SETD4: variants seen among roughly 807,000 people sequenced by gnomAD.
SETD4 encodes the protein SET domain containing 4.
In SETD4, 46 loss-of-function variants were observed where a neutral mutation model predicts 58.3. The observed-to-expected ratio is 0.79, with a 90% CI of 0.62 to 1.01. The LOEUF (loss-of-function observed/expected upper bound fraction) is 1.01. SETD4 is among the 50% of genes least tolerant of loss of function. SETD4 has a pLI of 0.00. For missense variants in SETD4, 490 were observed against 523.3 expected, an observed-to-expected ratio of 0.94 and a Z score of 0.62; for synonymous variants, 190 against 202.6, an observed-to-expected ratio of 0.94 and a Z score of 0.53.
intron 6 of SETD4, among the ~76,000 whole-genome samples, chr21:36,044,323 C>T (rs2064203360): frequency 6.6e-6 from 1 of 152,244 alleles, no homozygotes; most frequent in Non-Finnish European, 1.5e-5. Context: ...TTTGCCAGCA[C>T]TATGTGGTCT....
At chr21:36,042,114 A>G (rs182372622) in intron 7 of SETD4, 488 of 332,928 alleles carry the variant, frequency 1.5e-3, no homozygotes, top group African/African-American at 9.0e-3. Flanking sequence ...CTAAACACGC[A>G]TAACCTCAGC....
chr21:36,050,119 G>A (rs2064573000), intron 4 of SETD4: 2 of 730,432 alleles, frequency 2.7e-6, no homozygotes, highest in African/African-American at 1.7e-5. Context: ...CAGGACTCTT[G>A]CAGACCTCTA....
rs2064001697 is a variant in SETD4, at chr21:36,040,608, G to A, written c.1031C>T (p.Ala344Val). ...AGCTTCCAGACATAACAACTTAAGGGCTGTGAGTAGCCTCCAAGATGGTCC... is the reference window on the plus strand; with the variant it reads ...AGCTTCCAGACATAACAACTTAAGGACTGTGAGTAGCCTCCAAGATGGTCC... ...WDGPSWRLLT[A>V]LKLLCLEAEK... Residue 344 changes from alanine (A) to valine (V), a missense_variant, in exon 9 of 12, where the codon GCC (alanine) becomes GTC (valine). Coordinates refer to ENST00000332131, the MANE Select transcript of SETD4 (RefSeq NM_017438.5). 3 of 1,613,854 alleles carry A rather than the reference G, an allele frequency of 1.9e-6. No individual in the cohort carries two copies. Among genetic ancestry groups the A allele is most frequent in the Non-Finnish European group, 2.5e-6 (3 of 1,179,830 alleles).
Position 36,053,770 on chromosome 21 carries a change from G to A in SETD4, c.170-150C>T, listed in dbSNP as rs2064841460. The A allele has an allele frequency of 6.6e-6, 5 of 761,084 alleles. No homozygotes were observed. The East Asian group carries it at 1.3e-4, about 20-fold the overall frequency. The allele number at this position is 761,084 out of a possible 1,614,324, so 47.1% of individuals were successfully genotyped here. A position where few individuals can be genotyped will look rare whatever the true frequency, so the allele number is the denominator to read the frequency against. On this transcript the variant is annotated intron_variant, in intron 3 of 11. Transcript: ENST00000332131. ...GCCTTTGATTCCCAGGGGAAACAGG[G>A]AGTCAGAAAGCTATTCCAGAAAATG...
intron 1 of SETD4, 120 bp from the exon 2 acceptor site, chr21:36,059,044 T>C: frequency 3.5e-6 from 4 of 1,156,918 alleles, no homozygotes; most frequent in Non-Finnish European, 4.6e-6. Context: ...TACCTTTAAG[T>C]ATACAAATGT....
At position 36,036,268 on chromosome 21, in the gene SETD4, A is replaced by C. The variant is rs1382802700; in HGVS notation, c.1189-17T>G. On this transcript the variant is annotated splice_polypyrimidine_tract_variant and intron_variant, in intron 10 of 11. Transcript: ENST00000332131. The stretch of plus-strand genomic sequence containing the variant: ...ATGAGACACCTGAAAGTTATTTTTT[A>C]ATTATTGTTATTGTAGTAAAACATA... 6.4e-7 allele frequency: 1 copy of C among 1,569,760 alleles called. No homozygotes were observed. Among genetic ancestry groups the C allele is most frequent in the Non-Finnish European group, 8.6e-7 (1 of 1,163,528 alleles).
Position 36,040,653 on chromosome 21 carries a change from T to C in SETD4, c.986A>G (p.Asn329Ser). 6.2e-7 allele frequency: 1 copy of C among 1,613,314 alleles called. No individual in the cohort carries two copies. Among genetic ancestry groups the C allele is most frequent in the African/African-American group, 1.3e-5 (1 of 75,046 alleles). The change falls in exon 9 of 12, where the codon AAT becomes AGT. Residue 329 changes from asparagine (N) to serine (S), a missense_variant and splice_region_variant. Coordinates refer to ENST00000332131, the MANE Select transcript of SETD4 (RefSeq NM_017438.5). ...TGGTCCATCCCATCCAAATGTCAAA[T>C]TTCTGAAGTAGAAAAACAAATAATG... Reference protein sequence around the residue: ...SILKDHGYIENLTFGWDGPSW... With the variant: ...SILKDHGYIESLTFGWDGPSW...
At chr21:36,046,228 T>C (rs1005115425) in intron 5 of SETD4, among the ~76,000 whole-genome samples, 1 of 152,216 alleles carries the variant, frequency 6.6e-6, no homozygotes, top group African/African-American at 2.4e-5. Context: ...CATACTTACA[T>C]GTCAGAAAAA....
chr21:36,051,157 A>T lies in SETD4; in HGVS notation c.207+2426T>A. On this transcript the variant is annotated intron_variant, in intron 4 of 11. Coordinates refer to ENST00000332131, the MANE Select transcript of SETD4 (RefSeq NM_017438.5). Reference sequence around the variant, plus strand: ...CTTCTACCCTCTGGCCAGCTCACCCAGCGTATGTCCCTGCTCTCTGTGGTG... The same window carrying T: ...CTTCTACCCTCTGGCCAGCTCACCCTGCGTATGTCCCTGCTCTCTGTGGTG... 5 of 1,564,854 alleles carry T rather than the reference A, an allele frequency of 3.2e-6. No homozygotes were observed. In the East Asian group the frequency reaches 9.0e-5, roughly 28 times the overall value.
chr21:36,039,857 A>G (rs1235441589), intron 9 of SETD4, among the ~76,000 whole-genome samples: 1 of 152,278 alleles, frequency 6.6e-6, no homozygotes, highest in Non-Finnish European at 1.5e-5. Context: ...GGCGTCACTG[A>G]AGGGGCACCG....
chr21:36,043,163 A>C (rs2064146617), intron 7 of SETD4: 1 of 152,414 alleles, frequency 6.6e-6, no homozygotes, highest in African/African-American at 2.4e-5. Context: ...CCAGAGGCTA[A>C]GGCACAAGAA....
intron 2 of SETD4, 87 bp from the exon 3 acceptor site, chr21:36,057,291 G>C (rs1601293402): frequency 5.1e-6 from 5 of 988,034 alleles, no homozygotes; most frequent in Non-Finnish European, 8.2e-6. Flanking sequence ...GATGAAATGT[G>C]TCAGACAGAC....
At chr21:36,044,016 T>G in intron 6 of SETD4, 60 bp from the exon 7 acceptor site, 1 of 1,555,894 alleles carries the variant, frequency 6.4e-7, no homozygotes, top group African/African-American at 1.4e-5. Context: ...CAAAGCTGAT[T>G]AAGTTATTAC....
chr21:36,044,153 G>A (rs1321670095), intron 6 of SETD4, among the ~76,000 whole-genome samples, 197 bp from the exon 7 acceptor site: 1 of 152,214 alleles, frequency 6.6e-6, no homozygotes, highest in African/African-American at 2.4e-5. Context: ...AGGGAGTCCT[G>A]CCCTAGGGCT....
At position 36,037,379 on chromosome 21, in the gene SETD4, C is replaced by T. The variant is rs902091624; in HGVS notation, c.1188+771G>A. Among the ~76,000 whole-genome samples the T allele has an allele frequency of 2.4e-4, 36 of 150,896 alleles. No homozygotes were observed. The Middle Eastern group carries it at 0.01, about 44-fold the overall frequency. ...CAGCACTTTGGGAGGCTGAGGTGGGCGGATCACCTGAGGTCAGGAGTTTGA... is the reference window on the plus strand; with the variant it reads ...CAGCACTTTGGGAGGCTGAGGTGGGTGGATCACCTGAGGTCAGGAGTTTGA... On this transcript the variant is annotated intron_variant, in intron 10 of 11. Transcript: ENST00000332131.
At position 36,036,583 on chromosome 21, in the gene SETD4, T is replaced by C. The variant is rs767314612; in HGVS notation, c.1189-332A>G. 13 of 923,716 alleles carry C rather than the reference T, an allele frequency of 1.4e-5. No individual in the cohort carries two copies. The East Asian group carries it at 1.5e-3, about 108-fold the overall frequency. The allele number at this position is 923,716 out of a possible 1,614,324, so 57.2% of individuals were successfully genotyped here. On this transcript the variant is annotated intron_variant, in intron 10 of 11. Transcript: ENST00000332131. ...GTCCTTTTGTGTCTGGCTTATTTCA[T>C]TTCCAATAATGTCTTCAAGCTTCAT...
intron 4 of SETD4, 77 bp downstream of exon 4, chr21:36,053,505 TA>T: frequency 6.9e-7 from 1 of 1,456,080 alleles, no homozygotes; most frequent in Non-Finnish European, 9.6e-7. Flanking sequence ...GAAATTTTTT[TA>T]ATTCACTTCG....
chr21:36,038,219 C>A lies in SETD4; in HGVS notation c.1119G>T (p.Lys373Asn). The A allele has an allele frequency of 6.2e-7, 1 of 1,614,056 alleles. No individual in the cohort carries two copies. The highest frequency in any genetic ancestry group is 1.1e-5 in the South Asian group (1 of 91,072). ...LGEVISDTNE[K>N]TSLDIAQKIC... is the part of the protein sequence containing the mutation. ...TTTTCTGGGCTATGTCCAAACTTGT[C>A]TTCTCATTCGTATCTGAAATTACCT... The change falls in exon 10 of 12, where the codon AAG becomes AAT. Residue 373 changes from lysine (K) to asparagine (N), a missense_variant. Physicochemically the swap from Lys to Asn is moderately conservative, Grantham distance 94 (BLOSUM62 0). Transcript: ENST00000332131.
intron 7 of SETD4, 44 bp from the exon 8 acceptor site, chr21:36,041,932 G>A: frequency 3.7e-6 from 4 of 1,094,084 alleles, no homozygotes; most frequent in Non-Finnish European, 5.2e-6. Context: ...CATAAATTTG[G>A]ACAAAAGTAT....
Sources: allele counts gnomAD v4.1 joint callset (sites outside exome capture counted in the v4.1 genomes callset), GRCh38; gene constraint gnomAD v4.1.1; transcripts MANE v1.5; gene names NCBI Gene and HGNC (gene_info 2026-07-23, HGNC 2026-07-21).